The following TMCO5A variants were observed in gnomAD, a reference collection of about 807,000 sequenced individuals.
TMCO5A encodes the protein transmembrane and coiled-coil domain-containing protein 5A.
In TMCO5A, 34 loss-of-function variants were observed where a neutral mutation model predicts 42.3. The observed-to-expected ratio is 0.80, with a 90% CI of 0.61 to 1.07. TMCO5A has a LOEUF of 1.07. TMCO5A is among the 50% of genes least tolerant of loss of function. The pLI is 0.00. For missense variants in TMCO5A, 357 were observed against 327.9 expected (o/e 1.09, Z -0.69); for synonymous variants, 131 against 115.6 (o/e 1.13, Z -0.86).
the TMCO5A span, among the ~76,000 whole-genome samples, chr15:38,009,323 A>G: frequency 6.6e-6 from 1 of 152,200 alleles, no homozygotes; most frequent in Non-Finnish European, 1.5e-5. Context: ...TCCCCTAAAG[A>G]GCTTTGCACA....
chr15:38,039,262 AG>A, the TMCO5A span, among the ~76,000 whole-genome samples: 1 of 152,242 alleles, frequency 6.6e-6, no homozygotes, highest in Non-Finnish European at 1.5e-5. Flanking sequence ...GGTGTTCACC[AG>A]GCTGGGCTTG....
the TMCO5A span, among the ~76,000 whole-genome samples, chr15:37,995,181 C>G: frequency 6.6e-6 from 1 of 152,070 alleles, no homozygotes; most frequent in Admixed American, 6.5e-5. Context: ...AGACTCAGCC[C>G]CTCTCTAGGG....
In TMCO5A at chr15:37,967,551, A is replaced by G. The variant is rs535359911; in HGVS notation, c.*908A>G. The G allele has an allele frequency of 2.0e-5, 3 of 152,340 alleles. No homozygotes were observed. In the South Asian group the frequency reaches 6.2e-4, roughly 32 times the overall value. 9.4% of individuals were successfully genotyped at this position (152,340 alleles called of 1,614,324 possible). On this transcript the variant is annotated 3_prime_UTR_variant, in exon 12 of 12. Coordinates refer to the TMCO5A transcript ENST00000559502. ...GCTAAGGAGGAAGCATAGAGAGTAG[A>G]AGAATGGTTACCAGAGGCTGTAACC...
chr15:38,023,559 C>A, the TMCO5A span, among the ~76,000 whole-genome samples: 9 of 152,178 alleles, frequency 5.9e-5, no homozygotes, highest in African/African-American at 2.2e-4. Flanking sequence ...TAGCCTCAGT[C>A]ATTTCTGACA....
At chr15:37,999,831 G>T in the TMCO5A span, among the ~76,000 whole-genome samples, 5 of 152,098 alleles carry the variant, frequency 3.3e-5, no homozygotes, top group African/African-American at 1.2e-4. Context: ...CATGCTGATT[G>T]ATTTGCATAT....
chr15:37,959,530 G>A (rs1022371007), intron 11 of TMCO5A, among the ~76,000 whole-genome samples: 4 of 151,968 alleles, frequency 2.6e-5, no homozygotes, highest in African/African-American at 4.8e-5. Flanking sequence ...GGGATAGTTC[G>A]ACATACACAA....
At chr15:37,959,714 A>C (rs1890374610) in intron 11 of TMCO5A, among the ~76,000 whole-genome samples, 1 of 152,024 alleles carries the variant, frequency 6.6e-6, no homozygotes, top group Non-Finnish European at 1.5e-5. Context: ...TATATGACAG[A>C]CCCACAGCTA....
chr15:38,040,854 G>A, the TMCO5A span: 3 of 152,144 alleles, frequency 2.0e-5, no homozygotes, highest in African/African-American at 7.2e-5. Flanking sequence ...ATAATAAAAT[G>A]TTCCAAATTT....
chr15:37,954,879 G>C (rs1171308426), downstream of TMCO5A, among the ~76,000 whole-genome samples: 2 of 151,854 alleles, frequency 1.3e-5, no homozygotes, highest in African/African-American at 4.8e-5. Context: ...GTTGTTATTA[G>C]CTTAAAATAA....
chr15:37,966,781 C>T (rs1172518269), exon 12 of TMCO5A: 1 of 687,876 alleles, frequency 1.5e-6, no homozygotes, highest in African/African-American at 1.8e-5. Context: ...CAATTGCCTA[C>T]CCTGTCCCAC....
chr15:37,939,583 T>C (rs1566914757), intron 6 of TMCO5A, among the ~76,000 whole-genome samples: 1 of 152,040 alleles, frequency 6.6e-6, no homozygotes. Flanking sequence ...GAGAACAAAG[T>C]CTAGTCTTAG....
At chr15:38,031,842 G>T in the TMCO5A span, among the ~76,000 whole-genome samples, 1 of 152,112 alleles carries the variant, frequency 6.6e-6, no homozygotes, top group African/African-American at 2.4e-5. Context: ...TTCTAGCCCT[G>T]CCATAGCCCA....
chr15:37,989,680 A>G, the TMCO5A span, among the ~76,000 whole-genome samples: 7 of 152,070 alleles, frequency 4.6e-5, no homozygotes, highest in Non-Finnish European at 7.4e-5. Flanking sequence ...TTGTGCTGCT[A>G]TAACAGAATA....
At chr15:37,935,882 C>G (rs570275150) in intron 2 of TMCO5A, 1 of 152,490 alleles carries the variant, frequency 6.6e-6, no homozygotes, top group East Asian at 1.9e-4. Context: ...CCTTGTGGCT[C>G]TGCAGAAAGC....
At chr15:38,025,154 A>T in the TMCO5A span, 1 of 129,912 alleles carries the variant, frequency 7.7e-6, no homozygotes, top group South Asian at 2.8e-4. Context: ...GTAGGGCCAC[A>T]GCTTTTGGGT....
chr15:37,947,536 A>G (rs1890007448), intron 10 of TMCO5A, 120 bp from the exon 11 acceptor site: 2 of 687,638 alleles, frequency 2.9e-6, no homozygotes, highest in Non-Finnish European at 5.0e-6. Context: ...GCTTATGCAT[A>G]TAAAAAGAAT....
intron 5 of TMCO5A, 26 bp downstream of exon 5, chr15:37,937,422 A>C (rs775615397): frequency 3.1e-6 from 5 of 1,612,266 alleles, no homozygotes; most frequent in Non-Finnish European, 4.2e-6. Context: ...TGTGTTCTCC[A>C]GTGCCCCCAC....
the TMCO5A span, among the ~76,000 whole-genome samples, chr15:38,008,039 G>C: frequency 2.6e-5 from 4 of 151,780 alleles, no homozygotes; most frequent in African/African-American, 9.7e-5. Flanking sequence ...GGGACTACAG[G>C]CGCCTGCCAC....
intron 10 of TMCO5A, among the ~76,000 whole-genome samples, chr15:37,944,777 G>T (rs1889876266): frequency 6.6e-6 from 1 of 152,052 alleles, no homozygotes; most frequent in Non-Finnish European, 1.5e-5. Flanking sequence ...ATCTCACAAG[G>T]AAGGTTAAAG....
Sources: gnomAD v4.1 joint callset for allele counts (sites outside exome capture counted in the v4.1 genomes callset) on GRCh38, gnomAD v4.1.1 for gene constraint, MANE v1.5 for transcripts, NCBI Gene and HGNC (gene_info 2026-07-23, HGNC 2026-07-21) for gene names.